Variants in CCDC144A observed in about 807,000 individuals in gnomAD.
The protein encoded by CCDC144A is coiled-coil domain containing 144A.
Under a neutral mutation model 143.8 loss-of-function variants are expected in CCDC144A, and 41 were observed. The ratio of observed to expected loss-of-function variants is 0.29; its 90% confidence interval spans 0.22 to 0.37. The LOEUF (loss-of-function observed/expected upper bound fraction) is 0.37. Ranked by LOEUF, CCDC144A falls within the 10% of genes least tolerant of loss-of-function variation. CCDC144A has a pLI of 1.00. For missense variants in CCDC144A, 637 were observed against 1,488.8 expected (o/e 0.43, Z 9.41); for synonymous variants, 242 against 517.9 (o/e 0.47, Z 7.23).
chr17:16,769,843 T>G (rs1252196816), intron 15 of CCDC144A, among the ~76,000 whole-genome samples: 3 of 151,428 alleles, frequency 2.0e-5, no homozygotes. Flanking sequence ...TGTTGTTGTT[T>G]TTGAGGCAGA....
At chr17:16,677,383 T>C in the CCDC144A span, among the ~76,000 whole-genome samples, 1 of 152,158 alleles carries the variant, frequency 6.6e-6, no homozygotes, top group African/African-American at 2.4e-5. Flanking sequence ...CAAATACTTA[T>C]AGAAGGTTAT....
chr17:16,726,121 G>A (rs924482002), intron 8 of CCDC144A, among the ~76,000 whole-genome samples: 17 of 152,044 alleles, frequency 1.1e-4, no homozygotes, highest in African/African-American at 4.1e-4. Flanking sequence ...GCTCAAGCCT[G>A]TAATCCCAGC....
At chr17:16,711,601 A>G in intron 5 of CCDC144A, 78 bp from the exon 6 acceptor site, 1 of 1,606,538 alleles carries the variant, frequency 6.2e-7, no homozygotes, top group Admixed American at 1.7e-5. Context: ...TGATGATGAA[A>G]TCAATGCAAA....
intron 15 of CCDC144A, among the ~76,000 whole-genome samples, chr17:16,769,483 C>T (rs1473283797): frequency 1.3e-5 from 2 of 152,214 alleles, no homozygotes; most frequent in African/African-American, 2.4e-5. Context: ...TTTGTGTTTT[C>T]AGTTTTTCTA....
intron 6 of CCDC144A, among the ~76,000 whole-genome samples, chr17:16,714,977 C>A (rs1403311896): frequency 6.6e-6 from 1 of 152,208 alleles, no homozygotes; most frequent in African/African-American, 2.4e-5. Flanking sequence ...CCTCAGATAG[C>A]CTCCTGGCTT....
chr17:16,686,066 G>A (rs1203386057), upstream of CCDC144A, among the ~76,000 whole-genome samples: 1 of 148,792 alleles, frequency 6.7e-6, no homozygotes, highest in African/African-American at 2.5e-5. Flanking sequence ...ATGGGCATGA[G>A]CCACCGAGCC....
the CCDC144A span, among the ~76,000 whole-genome samples, chr17:16,678,464 G>A: frequency 6.6e-6 from 1 of 152,026 alleles, no homozygotes; most frequent in Non-Finnish European, 1.5e-5. Flanking sequence ...AAGTCCCTGA[G>A]TTGTTTTTCA....
At chr17:16,734,010 G>T (rs982805902) in intron 11 of CCDC144A, among the ~76,000 whole-genome samples, 2 of 151,984 alleles carry the variant, frequency 1.3e-5, no homozygotes, top group Non-Finnish European at 2.9e-5. Context: ...GTGTGGGGGT[G>T]TGTGCCTCTA....
At chr17:16,720,370 T>G in intron 7 of CCDC144A, 139 bp downstream of exon 7, 3 of 973,848 alleles carry the variant, frequency 3.1e-6, no homozygotes, top group Non-Finnish European at 4.6e-6. Context: ...CCGTTGATAA[T>G]GGTACCTTTT....
the CCDC144A span, chr17:16,683,669 T>C: frequency 8.1e-6 from 13 of 1,607,280 alleles, no homozygotes; most frequent in Non-Finnish European, 1.1e-5. Context: ...GCCCGGAAGT[T>C]TCAGAAGGGC....
upstream of CCDC144A, among the ~76,000 whole-genome samples, chr17:16,688,933 G>A (rs1002104121): frequency 6.6e-6 from 1 of 151,948 alleles, no homozygotes; most frequent in Non-Finnish European, 1.5e-5. Flanking sequence ...CCATCTCCTC[G>A]GCTGCAGCAT....
At chr17:16,682,504 A>C in the CCDC144A span, among the ~76,000 whole-genome samples, 9 of 152,010 alleles carry the variant, frequency 5.9e-5, no homozygotes, top group Non-Finnish European at 8.8e-5. Context: ...AATTAATGAC[A>C]CAAAAATTAG....
intron 12 of CCDC144A, among the ~76,000 whole-genome samples, chr17:16,757,587 A>G: frequency 6.6e-6 from 1 of 152,238 alleles, no homozygotes; most frequent in Non-Finnish European, 1.5e-5. Context: ...CCTTGTCTTC[A>G]GGCTCTCATA....
chr17:16,712,398 C>A (rs1375863031), intron 6 of CCDC144A, among the ~76,000 whole-genome samples: 1 of 151,932 alleles, frequency 6.6e-6, no homozygotes, highest in Non-Finnish European at 1.5e-5. Context: ...ATTGATGAAT[C>A]CTTTTTGTAG....
chr17:16,683,512 T>C, the CCDC144A span: 2 of 1,513,140 alleles, frequency 1.3e-6, no homozygotes, highest in Non-Finnish European at 1.8e-6. Context: ...GGGTTCGGGA[T>C]GTTCTATGCC....
At chr17:16,680,667 C>CAG in the CCDC144A span, among the ~76,000 whole-genome samples, 1 of 139,794 alleles carries the variant, frequency 7.2e-6, no homozygotes, top group East Asian at 2.1e-4. Flanking sequence ...GAGGGAGAGA[C>CAG]AGAGAGAGAG....
intron 12 of CCDC144A, among the ~76,000 whole-genome samples, chr17:16,749,417 C>A (rs976828673): frequency 6.6e-6 from 1 of 152,104 alleles, no homozygotes; most frequent in Non-Finnish European, 1.5e-5. Context: ...TCTTGGTATT[C>A]ATTTCTATTT....
the CCDC144A span, chr17:16,683,570 CA>C: frequency 1.2e-6 from 2 of 1,606,166 alleles, no homozygotes; most frequent in Middle Eastern, 1.8e-4. Context: ...GGAATGAGTG[CA>C]AAGCACAGGT....
intron 15 of CCDC144A, among the ~76,000 whole-genome samples, chr17:16,768,195 T>A (rs1915687155): frequency 6.6e-6 from 1 of 152,270 alleles, no homozygotes; most frequent in African/African-American, 2.4e-5. Flanking sequence ...CTGGGGTGAT[T>A]ACCCTTATCT....
Sources: allele counts gnomAD v4.1 joint callset (sites outside exome capture counted in the v4.1 genomes callset), GRCh38; gene constraint gnomAD v4.1.1; transcripts MANE v1.5; gene names NCBI Gene and HGNC (gene_info 2026-07-23, HGNC 2026-07-21).